NR4A1: variants seen among roughly 807,000 people sequenced by gnomAD.
The protein encoded by NR4A1 is nuclear receptor subfamily 4immunitygroup A member 1.
NR4A1 carries 24 observed loss-of-function variants against 47.5 expected under a neutral mutation model. The observed-to-expected ratio is 0.50, with a 90% CI of 0.37 to 0.71. The LOEUF is 0.71. Ranked by LOEUF, NR4A1 falls within the 30% of genes least tolerant of loss-of-function variation. The pLI is 0.00. For missense variants in NR4A1, 669 were observed against 788.6 expected (o/e 0.85, Z 1.82); for synonymous variants, 353 against 345.7 (o/e 1.02, Z -0.24).
chr12:52,048,625 A>C (rs563426572), upstream of NR4A1, among the ~76,000 whole-genome samples: 2 of 152,262 alleles, frequency 1.3e-5, no homozygotes, highest in African/African-American at 4.8e-5. Flanking sequence ...TTTCTAGGGA[A>C]GGCCCTGCTG....
chr12:52,044,590 G>C (rs1053794384), intron 2 of NR4A1, among the ~76,000 whole-genome samples: 5 of 152,210 alleles, frequency 3.3e-5, no homozygotes, highest in Non-Finnish European at 7.3e-5. Context: ...GTCTCTAAAC[G>C]AATCCAGAGC....
chr12:52,051,605 G>A (rs1938948604), intron 1 of NR4A1, 37 bp downstream of exon 1: 1 of 985,006 alleles, frequency 1.0e-6, no homozygotes, highest in Non-Finnish European at 1.2e-6. Context: ...CTGTTTTTAG[G>A]AGCGGTGCAT....
At chr12:52,044,593 T>C (rs557418100) in intron 2 of NR4A1, among the ~76,000 whole-genome samples, 78 of 152,336 alleles carry the variant, frequency 5.1e-4, no homozygotes, top group African/African-American at 1.9e-3. Context: ...TCTAAACGAA[T>C]CCAGAGCCTG....
chr12:52,057,919 G>GC (rs1045349530), intron 6 of NR4A1, among the ~76,000 whole-genome samples: 5 of 152,070 alleles, frequency 3.3e-5, no homozygotes, highest in African/African-American at 4.8e-5. Flanking sequence ...GCACATAACT[G>GC]CCCCCCAGAA....
chr12:52,043,977 CTG>C, intron 2 of NR4A1: 1 of 1,262,278 alleles, frequency 7.9e-7, no homozygotes. Context: ...CCCATTGTGA[CTG>C]TCATGCCAAA....
chr12:52,047,315 A>G (rs1448366118), upstream of NR4A1, among the ~76,000 whole-genome samples: 4 of 152,030 alleles, frequency 2.6e-5, no homozygotes, highest in Middle Eastern at 3.2e-3. Context: ...CCTTTCTCCA[A>G]AGTTCCACTA....
At chr12:52,047,925 C>T (rs142122474), upstream of NR4A1, among the ~76,000 whole-genome samples, 493 of 152,152 alleles carry the variant, frequency 3.2e-3, 4 homozygotes, top group African/African-American at 0.011. Context: ...GAGGCCAAGG[C>T]GGGTGGATCA....
chr12:52,057,132 G>A lies in NR4A1; in HGVS notation c.1234G>A (p.Gly412Ser), dbSNP rs770998777. ...ACAGCAGTTCTACGACCTGCTCTCC[G>A]GTTCTCTGGAGGTCATCCGCAAGTG... The part of the protein sequence containing the change: ...DVQQFYDLLS[G>S]SLEVIRKWAE... Residue 412 changes from glycine to serine, a missense_variant, in exon 5 of 7, where the codon GGT (glycine) becomes AGT (serine). Transcript: ENST00000394825. 3.1e-6 allele frequency: 5 copies of A among 1,613,814 alleles called. No individual in the cohort carries two copies. Among genetic ancestry groups the A allele is most frequent in the Non-Finnish European group, 4.2e-6 (5 of 1,179,914 alleles).
intron 1 of NR4A1, among the ~76,000 whole-genome samples, chr12:52,024,556 G>A (rs1306975353): frequency 6.6e-6 from 1 of 152,046 alleles, no homozygotes; most frequent in Non-Finnish European, 1.5e-5. Flanking sequence ...AATGATCTGA[G>A]TGTCTGTAGT....
chr12:52,038,427 A>C lies in NR4A1; in HGVS notation c.-83-3383A>C. The C allele has an allele frequency of 5.9e-6, 2 of 340,100 alleles. 1 individual carries two copies. Among genetic ancestry groups the C allele is most frequent in the South Asian group, 7.0e-5 (2 of 28,776 alleles). The allele number at this position is 340,100 out of a possible 1,614,324, so 21.1% of individuals were successfully genotyped here. ...CCTGGGGATGGGAGAAATGCTGCAG[A>C]GGTGGTTTATTTACAGTGAATTGTT... On this transcript the variant is annotated intron_variant, in intron 1 of 7. Transcript: ENST00000360284.
At position 52,051,533 on chromosome 12, in the gene NR4A1, G is replaced by A. The variant is rs1938943300; in HGVS notation, c.-38G>A. ...ACCAGGGACCAGGCTGAGACTCGGGGCGCCAGTCCGGGCAGGGGCAGCGGG... is the reference window on the plus strand; with the variant it reads ...ACCAGGGACCAGGCTGAGACTCGGGACGCCAGTCCGGGCAGGGGCAGCGGG... On this transcript the variant is annotated 5_prime_UTR_variant, in exon 1 of 7. Coordinates refer to ENST00000394825, the MANE Select transcript of NR4A1 (RefSeq NM_173157.3). 1 of 985,852 alleles carries A rather than the reference G, an allele frequency of 1.0e-6. No individual in the cohort carries two copies. The highest frequency in any genetic ancestry group is 1.7e-5 in the African/African-American group (1 of 57,264). The allele number at this position is 985,852 out of a possible 1,614,324, so 61.1% of individuals were successfully genotyped here. A position where few individuals can be genotyped will look rare whatever the true frequency, so the allele number is the denominator to read the frequency against.
chr12:52,042,236 T>A (rs1204129058), intron 2 of NR4A1, among the ~76,000 whole-genome samples: 1 of 152,058 alleles, frequency 6.6e-6, no homozygotes, highest in Non-Finnish European at 1.5e-5. Context: ...ATGTGCCTGA[T>A]TCCAGGAAGC....
At chr12:52,034,066 C>T (rs1180032057) in intron 1 of NR4A1, among the ~76,000 whole-genome samples, 1 of 152,168 alleles carries the variant, frequency 6.6e-6, no homozygotes, top group Non-Finnish European at 1.5e-5. Context: ...GTCCTGGGTC[C>T]TGTGGCTTAC....
rs1411396348 is a variant in NR4A1, at chr12:52,058,843, T to C, written c.1696T>C (p.Cys566Arg). Residue 566 changes from cysteine (C) to arginine (R), a missense_variant, in exon 7 of 7, where the codon TGC (cysteine) becomes CGC (arginine). Transcript: ENST00000394825. ...LGKLPELRTL[C>R]TQGLQRIFYL... ...CAAACTGCCCGAGCTGCGGACCCTG[T>C]GCACCCAGGGCCTGCAGCGCATCTT... 1.2e-6 allele frequency: 2 copies of C among 1,614,056 alleles called. No homozygotes were observed. Among genetic ancestry groups the C allele is most frequent in the Non-Finnish European group, 1.7e-6 (2 of 1,179,980 alleles).
chr12:52,052,438 T>C, intron 1 of NR4A1: 1 of 977,568 alleles, frequency 1.0e-6, no homozygotes, highest in Non-Finnish European at 1.2e-6. Flanking sequence ...CCATTCCAGC[T>C]CCAGATGCTG....
chr12:52,034,825 T>C (rs1380552325), intron 1 of NR4A1, among the ~76,000 whole-genome samples: 2 of 152,220 alleles, frequency 1.3e-5, no homozygotes, highest in Non-Finnish European at 2.9e-5. Flanking sequence ...ACCTTGGATG[T>C]ACAGCTTCAA....
intron 1 of NR4A1, chr12:52,037,782 G>T: frequency 1.0e-6 from 1 of 985,524 alleles, no homozygotes; most frequent in Non-Finnish European, 1.2e-6. Flanking sequence ...ACCCAGCCGG[G>T]AGGGACCGAT....
At chr12:52,047,538 C>T (rs373931913), upstream of NR4A1, among the ~76,000 whole-genome samples, 2 of 152,204 alleles carry the variant, frequency 1.3e-5, no homozygotes, top group Admixed American at 6.5e-5. Flanking sequence ...TGTTGAGCAC[C>T]CCCACCATCT....
At chr12:52,052,755 G>T in intron 1 of NR4A1, 4 of 750,684 alleles carry the variant, frequency 5.3e-6, no homozygotes, top group Non-Finnish European at 6.5e-6. Flanking sequence ...GAATAAGGCA[G>T]GAACAAGCGC....
Sources: gnomAD v4.1 joint callset for allele counts (sites outside exome capture counted in the v4.1 genomes callset) on GRCh38, gnomAD v4.1.1 for gene constraint, MANE v1.5 for transcripts, NCBI Gene and HGNC (gene_info 2026-07-23, HGNC 2026-07-21) for gene names.